Variants in OGDH observed in about 807,000 individuals in gnomAD.
The protein encoded by OGDH is 2-oxoglutarate dehydrogenase complex component E1.
A neutral mutation model predicts 116.6 loss-of-function variants in OGDH; 38 were observed. The observed-to-expected ratio is 0.33, with a 90% CI of 0.25 to 0.43. The LOEUF (loss-of-function observed/expected upper bound fraction) is 0.43. Among genes scored for constraint, OGDH ranks in the 20% least tolerant of loss-of-function variants. The pLI, the probability that OGDH is intolerant of heterozygous loss-of-function variation, is 1.00. For synonymous variants in OGDH, 488 were observed against 533.3 expected, an observed-to-expected ratio of 0.92 and a Z score of 1.17; for missense variants, 825 against 1,357.2, an observed-to-expected ratio of 0.61 and a Z score of 6.16.
intron 1 of OGDH, among the ~76,000 whole-genome samples, chr7:44,620,545 G>A (rs990988629): frequency 1.3e-5 from 2 of 152,128 alleles, no homozygotes; most frequent in African/African-American, 2.4e-5. Context: ...CTCTTTAGAC[G>A]TGGAACTCTA....
At chr7:44,696,190 C>A (rs989155965) in intron 13 of OGDH, 63 bp downstream of exon 13, 1 of 1,260,520 alleles carries the variant, frequency 7.9e-7, no homozygotes, top group South Asian at 1.2e-5. Flanking sequence ...GAGGCATCCT[C>A]TTCCCAGAAA....
intron 9 of OGDH, among the ~76,000 whole-genome samples, chr7:44,681,472 A>C (rs1047999643): frequency 6.6e-6 from 1 of 152,212 alleles, no homozygotes; most frequent in African/African-American, 2.4e-5. Flanking sequence ...CTAGCAATGC[A>C]TCAGGTCTAC....
In OGDH at chr7:44,693,352, A is replaced by G. The variant is rs1223009478; in HGVS notation, c.1336-473A>G. Among the ~76,000 whole-genome samples the G allele has an allele frequency of 1.4e-4, 22 of 152,060 alleles. No homozygotes were observed. The East Asian group carries it at 2.5e-3, about 17-fold the overall frequency. On this transcript the variant is annotated intron_variant, in intron 10 of 22. Coordinates refer to ENST00000222673, the MANE Select transcript of OGDH (RefSeq NM_002541.4). ...AGGCTGGGCACAGTGCCTCACTCCT[A>G]TAATAACACTTCGGGAAGCCGAGAC...
At chr7:44,624,688 C>A in intron 2 of OGDH, 123 bp downstream of exon 2, 1 of 797,794 alleles carries the variant, frequency 1.3e-6, no homozygotes, top group Non-Finnish European at 2.2e-6. Flanking sequence ...GAGCGCCATA[C>A]CAACCACCGT....
At chr7:44,696,176 T>C (rs567491214) in intron 13 of OGDH, 49 bp downstream of exon 13, 1 of 1,312,120 alleles carries the variant, frequency 7.6e-7, no homozygotes, top group South Asian at 1.2e-5. Context: ...GGATCTGATG[T>C]AACGAGGCAT....
intron 2 of OGDH, among the ~76,000 whole-genome samples, chr7:44,625,775 A>G (rs984840971): frequency 2.0e-5 from 3 of 152,040 alleles, no homozygotes; most frequent in Non-Finnish European, 4.4e-5. Context: ...TCCTGTAAAC[A>G]AGCTTTCCCT....
intron 2 of OGDH, among the ~76,000 whole-genome samples, chr7:44,633,390 C>CT (rs1785530618): frequency 6.6e-6 from 1 of 152,024 alleles, no homozygotes; most frequent in African/African-American, 2.4e-5. Flanking sequence ...AAGAGCCATG[C>CT]TTTGTAAGTC....
chr7:44,663,864 C>G (rs1787059421), intron 4 of OGDH, among the ~76,000 whole-genome samples: 1 of 151,834 alleles, frequency 6.6e-6, no homozygotes, highest in African/African-American at 2.4e-5. Context: ...CACCTGAGCC[C>G]TGGAGGTTAA....
At chr7:44,643,955 C>T (rs1786061406) in intron 2 of OGDH, among the ~76,000 whole-genome samples, 1 of 152,058 alleles carries the variant, frequency 6.6e-6, no homozygotes, top group Admixed American at 6.5e-5. Context: ...GCCTGTAATC[C>T]CAACACTTTG....
intron 10 of OGDH, among the ~76,000 whole-genome samples, chr7:44,683,142 C>G (rs1165225155): frequency 1.3e-5 from 2 of 152,020 alleles, no homozygotes; most frequent in Non-Finnish European, 2.9e-5. Context: ...GAGCAAGACT[C>G]TGTCTCAAAA....
intron 4 of OGDH, among the ~76,000 whole-genome samples, chr7:44,657,968 A>G (rs1786767904): frequency 6.6e-6 from 1 of 152,184 alleles, no homozygotes; most frequent in Non-Finnish European, 1.5e-5. Flanking sequence ...GTGGGTCTAT[A>G]TCTGGATTTT....
At position 44,687,877 on chromosome 7, in the gene OGDH, C is replaced by T. The variant is rs1336582317; in HGVS notation, c.1336-5948C>T. On this transcript the variant is annotated intron_variant, in intron 10 of 22. Transcript: ENST00000222673. ...ACAGTTGATTTCAGAGTGTTCATCA[C>T]CTCAAGGAAAAACCTTGCATCCCTT... Among the ~76,000 whole-genome samples, 8 of 152,140 alleles carry T rather than the reference C, an allele frequency of 5.3e-5. No individual in the cohort carries two copies. The East Asian group carries it at 9.6e-4, about 18-fold the overall frequency.
rs758888694 is a variant in OGDH at position 44,707,538 on chromosome 7, CCT to C, written c.2797-41_2797-40del. On this transcript the variant is annotated intron_variant, in intron 21 of 22. Coordinates refer to ENST00000222673, the MANE Select transcript of OGDH (RefSeq NM_002541.4). This position sits in a 1 kb window ranked among gnomAD's most constrained non-coding sequence, Gnocchi z 5.2. ...TTTCCCTTTGCTGGATCTTGCCTGC[CCT>C]CTGAGTTTCCTCTTTTTGATCTGAC... The C allele has an allele frequency of 1.4e-5, 22 of 1,609,196 alleles. No individual in the cohort carries two copies. The South Asian group carries it at 1.4e-4, about 10-fold the overall frequency.
intron 1 of OGDH, among the ~76,000 whole-genome samples, chr7:44,611,894 T>C (rs1329674197): frequency 6.6e-6 from 1 of 152,096 alleles, no homozygotes; most frequent in South Asian, 2.1e-4. Flanking sequence ...AGACTCAAGA[T>C]CAAATAGATA....
At chr7:44,642,836 C>T (rs1328151611) in intron 2 of OGDH, among the ~76,000 whole-genome samples, 3 of 151,192 alleles carry the variant, frequency 2.0e-5, no homozygotes, top group Non-Finnish European at 4.4e-5. Context: ...GCAGGAGAAT[C>T]GCTTGAACCC....
At chr7:44,671,048 T>C (rs919903006) in intron 5 of OGDH, among the ~76,000 whole-genome samples, 1 of 140,950 alleles carries the variant, frequency 7.1e-6, no homozygotes, top group South Asian at 2.3e-4. Context: ...AAAAAGAAAA[T>C]ATGGTTTGGG....
At position 44,698,237 on chromosome 7, in the gene OGDH, T is replaced by C; in HGVS notation, c.2404T>C (p.Cys802Arg). The C allele has an allele frequency of 6.2e-7, 1 of 1,614,116 alleles. No individual in the cohort carries two copies. Among genetic ancestry groups the C allele is most frequent in the Non-Finnish European group, 8.5e-7 (1 of 1,180,020 alleles). The part of the protein sequence containing the change: ...SARPERFLQM[C>R]NDDPDVLPDL... Reference sequence around the variant, plus strand: ...CCGCCCAGAGCGGTTCTTGCAGATGTGCAACGATGACCCAGATGTCCTGCC... The same window carrying C: ...CCGCCCAGAGCGGTTCTTGCAGATGCGCAACGATGACCCAGATGTCCTGCC... Residue 802 changes from cysteine to arginine, a missense_variant, in exon 18 of 23, where the codon TGC becomes CGC. Cys to Arg is a radical substitution (Grantham distance 180). Around this residue, in one of 7 missense-constraint regions of OGDH, gnomAD observed 73 missense variants for 182.3 expected, o/e 0.40. Coordinates refer to ENST00000222673, the MANE Select transcript of OGDH (RefSeq NM_002541.4).
At chr7:44,688,122 G>C (rs1204714487) in intron 10 of OGDH, among the ~76,000 whole-genome samples, 1 of 152,070 alleles carries the variant, frequency 6.6e-6, no homozygotes, top group Non-Finnish European at 1.5e-5. Flanking sequence ...TGTAATCCCA[G>C]CACTTTGGGA....
intron 2 of OGDH, among the ~76,000 whole-genome samples, chr7:44,642,626 G>A (rs1283893527): frequency 6.6e-6 from 1 of 152,052 alleles, no homozygotes; most frequent in African/African-American, 2.4e-5. Flanking sequence ...AGTTTGATTT[G>A]TAAAAACATT....
Sources: gnomAD v4.1 joint callset for allele counts (sites outside exome capture counted in the v4.1 genomes callset) on GRCh38, gnomAD v4.1.1 for gene constraint, gnomAD v4.1.1 regional missense constraint, Gnocchi (gnomAD v3.1) non-coding constraint, MANE v1.5 for transcripts, NCBI Gene and HGNC (gene_info 2026-07-23, HGNC 2026-07-21) for gene names.